Variants in C12orf56 observed in about 807,000 individuals in gnomAD.
C12orf56 encodes uncharacterized protein C12orf56.
Under a neutral mutation model 69.9 loss-of-function variants are expected in C12orf56, and 71 were observed. The observed-to-expected ratio is 1.02, with a 90% CI of 0.84 to 1.24. The LOEUF is 1.24. Among genes scored for constraint, C12orf56 ranks in the 50% most tolerant of loss-of-function variants. The probability of loss-of-function intolerance (pLI) is 0.00; values close to 1 mark genes in which losing one functional copy is unlikely to be tolerated. For synonymous variants in C12orf56, 276 were observed against 274.1 expected (o/e 1.01, Z -0.07); for missense variants, 732 against 738.5 (o/e 0.99, Z 0.10).
rs1294693955 is a variant in C12orf56, at chr12:64,390,302, C to A, written c.252+12G>T. On this transcript the variant is annotated intron_variant, in intron 1 of 12. Transcript: ENST00000543942. ...GCGCTCCCGAGCCCGCCTGCCCACCCGCGCCGCTCACCAGGTCAATGGCCA... is the reference window on the plus strand; with the variant it reads ...GCGCTCCCGAGCCCGCCTGCCCACCAGCGCCGCTCACCAGGTCAATGGCCA... 4 of 1,596,036 alleles carry A rather than the reference C, an allele frequency of 2.5e-6. No homozygotes were observed. The highest frequency in any genetic ancestry group is 1.3e-5 in the African/African-American group (1 of 74,562).
At chr12:64,329,497 A>G (rs2038898362) in intron 3 of C12orf56, among the ~76,000 whole-genome samples, 1 of 66,010 alleles carries the variant, frequency 1.5e-5, no homozygotes, top group African/African-American at 4.2e-5. Flanking sequence ...GTAATGGTTT[A>G]TTTATTTATT....
chr12:64,322,381 A>G (rs1232878855), intron 3 of C12orf56, among the ~76,000 whole-genome samples: 2 of 152,100 alleles, frequency 1.3e-5, no homozygotes, highest in African/African-American at 4.8e-5. Context: ...AATTTCAGTT[A>G]TTATAGTATG....
At position 64,312,732 on chromosome 12, in the gene C12orf56, A is replaced by G; in HGVS notation, c.915T>C (p.Asp305=). ...GACTGAACTCACTAGCATAGAAGGG[A>G]TCTTGTAAAAGAGTAGCTTTCTGAA... The part of the protein sequence containing the change: ...NYIIKATLLQ[D]PFYASEFSPA... Residue 305 remains aspartate (D), a synonymous_variant, in exon 5 of 13, where the codon GAT becomes GAC. Transcript: ENST00000543942. The G allele has an allele frequency of 6.5e-7, 1 of 1,536,474 alleles. No homozygotes were observed.
At position 64,379,762 on chromosome 12, in the gene C12orf56, G is replaced by A. The variant is rs114976317; in HGVS notation, c.252+10552C>T. Among the ~76,000 whole-genome samples the A allele has an allele frequency of 7.3e-3, 1,100 of 151,670 alleles. 20 individuals are homozygous for A. Among genetic ancestry groups the A allele is most frequent in the African/African-American group, 0.024 (1,009 of 41,316 alleles). On this transcript the variant is annotated intron_variant, in intron 1 of 12. Coordinates refer to ENST00000543942, the MANE Select transcript of C12orf56 (RefSeq NM_001170633.2). The stretch of plus-strand genomic sequence containing the variant: ...AAGAAGCATCTATAATATGGCCTCA[G>A]CTTACGTAACTCTTAATACCTGTCA...
At chr12:64,275,060 A>G (rs2038033563) in intron 10 of C12orf56, 85 bp from the exon 11 acceptor site, 3 of 1,240,996 alleles carry the variant, frequency 2.4e-6, no homozygotes, top group Non-Finnish European at 3.5e-6. Context: ...ATACATTTTT[A>G]TCCTGATTAA....
At chr12:64,268,440 T>A (rs2037940669) in intron 12 of C12orf56, among the ~76,000 whole-genome samples, 1 of 151,830 alleles carries the variant, frequency 6.6e-6, no homozygotes, top group Non-Finnish European at 1.5e-5. Context: ...TTAAGCTCAG[T>A]GAAGTCAGAC....
At chr12:64,308,944 A>G (rs201171540) in intron 5 of C12orf56, among the ~76,000 whole-genome samples, 69 of 46,682 alleles carry the variant, frequency 1.5e-3, no homozygotes, top group East Asian at 7.5e-3. Context: ...AAGAAAGAAG[A>G]AAGAAAGAAA....
Position 64,267,096 on chromosome 12 carries a change from C to T in C12orf56, c.*87G>A, listed in dbSNP as rs1481078471. 9.9e-6 allele frequency: 10 copies of T among 1,010,890 alleles called. No individual in the cohort carries two copies. The highest frequency in any genetic ancestry group is 2.1e-4 in the Middle Eastern group (1 of 4,688). 62.6% of individuals were successfully genotyped at this position (1,010,890 alleles called of 1,614,324 possible). A position where few individuals can be genotyped will look rare whatever the true frequency, so the allele number is the denominator to read the frequency against. On this transcript the variant is annotated 3_prime_UTR_variant, in exon 13 of 13. Coordinates refer to ENST00000543942, the MANE Select transcript of C12orf56 (RefSeq NM_001170633.2). ...GACTCAGAGATAGCCAGATATTAAA[C>T]AAATAAAAAAATGTTTCTCGTGAAT... is the stretch of plus-strand genomic sequence containing the variant.
intron 1 of C12orf56, among the ~76,000 whole-genome samples, chr12:64,379,317 G>T (rs557183259): frequency 6.7e-6 from 1 of 149,026 alleles, no homozygotes; most frequent in Admixed American, 6.7e-5. Context: ...ACGGAGTCTC[G>T]CTCTGTCTCC....
Position 64,318,932 on chromosome 12 carries a change from A to G in C12orf56, c.537T>C (p.Pro179=). 6.5e-7 allele frequency: 1 copy of G among 1,535,470 alleles called. No homozygotes were observed. The highest frequency in any genetic ancestry group is 1.4e-5 in the African/African-American group (1 of 73,112). ...STPSKDSTLC[P]RPGLKKLSLH... is the part of the protein sequence containing the mutation. ...GGGACAGCTTTTTGAGGCCTGGACG[A>G]GGACAGAGAGTTGAGTCCTTGGATG... The change falls in exon 4 of 13, where the codon CCT becomes CCC. Residue 179 remains proline, a synonymous_variant. Transcript: ENST00000543942.
Position 64,303,658 on chromosome 12 carries a change from T to A in C12orf56, c.1090A>T (p.Ile364Phe). ...ACCTTCCAGAAAAGCCTTTTCAGAA[T>A]GAAGTTTTTCTGGGCTGCTACTTTA... ...ELKVAAQKNF[I>F]LKRLFWKTSD... Residue 364 changes from isoleucine (I) to phenylalanine (F), a missense_variant, in exon 6 of 13, where the codon ATT becomes TTT. Physicochemically the swap from Ile to Phe is conservative, Grantham distance 21. Transcript: ENST00000543942. 2.6e-6 allele frequency: 4 copies of A among 1,561,896 alleles called. No homozygotes were observed. The highest frequency in any genetic ancestry group is 3.5e-6 in the Non-Finnish European group (4 of 1,155,888).
chr12:64,344,281 G>A (rs1255606022), intron 2 of C12orf56, among the ~76,000 whole-genome samples: 1 of 152,184 alleles, frequency 6.6e-6, no homozygotes, highest in Non-Finnish European at 1.5e-5. Flanking sequence ...CATTCAAGGG[G>A]TTCTGGGTCT....
At chr12:64,365,797 A>G (rs1221329904) in intron 1 of C12orf56, among the ~76,000 whole-genome samples, 1 of 141,000 alleles carries the variant, frequency 7.1e-6, no homozygotes, top group Non-Finnish European at 1.5e-5. Context: ...TAATGTATAT[A>G]TTATGTATAA....
At chr12:64,387,966 C>T (rs928911304) in intron 1 of C12orf56, among the ~76,000 whole-genome samples, 9 of 152,044 alleles carry the variant, frequency 5.9e-5, no homozygotes, top group African/African-American at 2.2e-4. Context: ...AAAAGCTGAG[C>T]GTTCAAAGTT....
intron 6 of C12orf56, among the ~76,000 whole-genome samples, chr12:64,286,583 T>C (rs1210626794): frequency 1.3e-5 from 2 of 152,212 alleles, no homozygotes; most frequent in Non-Finnish European, 2.9e-5. Flanking sequence ...GCCATTTCTG[T>C]CAAAATAAAC....
In C12orf56 at chr12:64,267,525, T is replaced by G. The variant is rs1302302250; in HGVS notation, c.1764-237A>C. On this transcript the variant is annotated intron_variant, in intron 12 of 12. Coordinates refer to ENST00000543942, the MANE Select transcript of C12orf56 (RefSeq NM_001170633.2). Reference sequence around the variant, plus strand: ...TGTGACCTAGAAAATCTCTGACATGTGGACTGTCCTCACCACAGTATGAGC... The same window carrying G: ...TGTGACCTAGAAAATCTCTGACATGGGGACTGTCCTCACCACAGTATGAGC... 3 of 518,924 alleles carry G rather than the reference T, an allele frequency of 5.8e-6. No individual in the cohort carries two copies. In the African/African-American group the frequency reaches 5.8e-5, roughly 10 times the overall value. The allele number at this position is 518,924 out of a possible 1,614,324, so 32.1% of individuals were successfully genotyped here. A position where few individuals can be genotyped will look rare whatever the true frequency, so the allele number is the denominator to read the frequency against.
At position 64,267,294 on chromosome 12, in the gene C12orf56, A is replaced by ACGG; in HGVS notation, c.1764-7_1764-6insCCG. 6.3e-7 allele frequency: 1 copy of ACGG among 1,594,884 alleles called. No homozygotes were observed. The highest frequency in any genetic ancestry group is 1.1e-5 in the South Asian group (1 of 88,048). On this transcript the variant is annotated splice_polypyrimidine_tract_variant and splice_region_variant and intron_variant, in intron 12 of 12. Coordinates refer to ENST00000543942, the MANE Select transcript of C12orf56 (RefSeq NM_001170633.2). ...CTGGCATGTGAATAAAGTACCTGCA[A>ACGG]ATCATAAAAAGAAACAAAATAGAGA...
intron 4 of C12orf56, among the ~76,000 whole-genome samples, chr12:64,318,187 A>C (rs2038713795): frequency 6.6e-6 from 1 of 151,926 alleles, no homozygotes. Flanking sequence ...CAGCCTCCCA[A>C]ATAGCTGGGA....
At chr12:64,384,524 T>C (rs529931137) in intron 1 of C12orf56, among the ~76,000 whole-genome samples, 1 of 152,160 alleles carries the variant, frequency 6.6e-6, no homozygotes, top group African/African-American at 2.4e-5. Context: ...AAACTGTTCA[T>C]GGCAAGCAAG....
Sources: allele counts gnomAD v4.1 joint callset (sites outside exome capture counted in the v4.1 genomes callset), GRCh38; gene constraint gnomAD v4.1.1; transcripts MANE v1.5; gene names NCBI Gene and HGNC (gene_info 2026-07-23, HGNC 2026-07-21).